The following ARHGAP25 variants were observed in gnomAD, a reference collection of about 807,000 sequenced individuals.
ARHGAP25 encodes Rho GTPase activating protein 25, also known as rho GTPase-activating protein 25.
A neutral mutation model predicts 71.0 loss-of-function variants in ARHGAP25; 34 were observed. The observed-to-expected ratio is 0.48, with a 90% CI of 0.36 to 0.64. ARHGAP25 has a LOEUF of 0.64. Ranked by LOEUF, ARHGAP25 falls within the 30% of genes least tolerant of loss-of-function variation. The probability of loss-of-function intolerance (pLI) is 0.00; values close to 1 mark genes in which losing one functional copy is unlikely to be tolerated. For missense variants in ARHGAP25, 706 were observed against 805.1 expected (o/e 0.88, Z 1.49); for synonymous variants, 282 against 296.5 (o/e 0.95, Z 0.50).
At chr2:68,775,754 T>G in intron 2 of ARHGAP25, 1 of 509,646 alleles carries the variant, frequency 2.0e-6, no homozygotes, top group South Asian at 1.5e-5. Context: ...ATTTTGGGAC[T>G]CATTGATTTG....
intron 1 of ARHGAP25, among the ~76,000 whole-genome samples, chr2:68,737,454 T>C (rs1012583101): frequency 6.6e-6 from 1 of 152,200 alleles, no homozygotes; most frequent in Admixed American, 6.5e-5. Context: ...CTGTGAATTA[T>C]AGGATGTTTA....
intron 1 of ARHGAP25, among the ~76,000 whole-genome samples, chr2:68,757,236 G>A (rs755831257): frequency 2.6e-5 from 4 of 151,998 alleles, no homozygotes; most frequent in Non-Finnish European, 4.4e-5. Flanking sequence ...AGAGAGAAGG[G>A]TGCAGAGAGA....
At chr2:68,764,646 C>T (rs1309936187) in intron 1 of ARHGAP25, among the ~76,000 whole-genome samples, 1 of 152,176 alleles carries the variant, frequency 6.6e-6, no homozygotes, top group Non-Finnish European at 1.5e-5. Flanking sequence ...CTGGAAATAA[C>T]ATGCCCCAGC....
chr2:68,715,059 A>G (rs1674576649), intron 2 of ARHGAP25, among the ~76,000 whole-genome samples: 1 of 152,126 alleles, frequency 6.6e-6, no homozygotes, highest in South Asian at 2.1e-4. Context: ...ACTAGCCCTG[A>G]GCATGAGGGT....
chr2:68,727,704 C>T (rs1674918078), intron 2 of ARHGAP25, among the ~76,000 whole-genome samples: 2 of 152,250 alleles, frequency 1.3e-5, no homozygotes, highest in Admixed American at 6.5e-5. Flanking sequence ...ATCTGATGCT[C>T]ATCCGTGAGG....
intron 2 of ARHGAP25, among the ~76,000 whole-genome samples, chr2:68,711,051 A>G (rs1259389751): frequency 6.6e-6 from 1 of 152,142 alleles, no homozygotes; most frequent in Admixed American, 6.5e-5. Context: ...TTCCACCACA[A>G]CAAAATCATT....
chr2:68,766,357 A>G (rs576635557), intron 1 of ARHGAP25, among the ~76,000 whole-genome samples: 25 of 152,330 alleles, frequency 1.6e-4, no homozygotes, highest in African/African-American at 5.8e-4. Flanking sequence ...TCTGATTGCC[A>G]AATCTCCACT....
At chr2:68,745,220 G>A (rs1473731127) in intron 1 of ARHGAP25, among the ~76,000 whole-genome samples, 1 of 152,098 alleles carries the variant, frequency 6.6e-6, no homozygotes, top group African/African-American at 2.4e-5. Context: ...GAGCTGTTAG[G>A]TAATACTTCC....
At position 68,767,229 on chromosome 2, in the gene ARHGAP25, G is replaced by A. The variant is rs1339730946; in HGVS notation, c.62-7992G>A. 6.6e-6 allele frequency among the ~76,000 whole-genome samples: 1 copy of A among 152,068 alleles called. No homozygotes were observed. Among genetic ancestry groups the A allele is most frequent in the African/African-American group, 2.4e-5 (1 of 41,394 alleles). ...TGCTTTTCATACTAAAGTTAAAAAC[G>A]AAACTCAAAAGAATGATGGGTGCTT... On this transcript the variant is annotated intron_variant, in intron 1 of 10. Coordinates refer to ENST00000409202, the MANE Select transcript of ARHGAP25 (RefSeq NM_001007231.3). The surrounding 1 kb of genome is among the most constrained non-coding windows in gnomAD (Gnocchi z 4.6).
At chr2:68,800,130 A>C (rs1679862451) in intron 4 of ARHGAP25, among the ~76,000 whole-genome samples, 2 of 151,728 alleles carry the variant, frequency 1.3e-5, no homozygotes, top group African/African-American at 4.8e-5. Context: ...AGGGGTGGGG[A>C]GCGCTTCTGG....
chr2:68,825,204 C>G (rs1368825113), intron 10 of ARHGAP25, among the ~76,000 whole-genome samples: 2 of 152,162 alleles, frequency 1.3e-5, no homozygotes, highest in Non-Finnish European at 2.9e-5. Flanking sequence ...TTCTCCAAAT[C>G]TTGGTCCCCA....
chr2:68,711,427 C>A (rs1674478121), intron 2 of ARHGAP25, among the ~76,000 whole-genome samples: 1 of 152,134 alleles, frequency 6.6e-6, no homozygotes, highest in African/African-American at 2.4e-5. Context: ...CTCTGTCACC[C>A]AGGCTGGAGT....
intron 4 of ARHGAP25, among the ~76,000 whole-genome samples, chr2:68,790,324 G>A (rs553963678): frequency 2.6e-5 from 4 of 152,296 alleles, no homozygotes; most frequent in South Asian, 2.1e-4. Flanking sequence ...CATAGATCCC[G>A]GAATGTGAGG....
In ARHGAP25 at chr2:68,807,195, G is replaced by C. The variant is rs547443420; in HGVS notation, c.467-78G>C. The C allele has an allele frequency of 1.7e-5, 24 of 1,431,310 alleles. No homozygotes were observed. In the South Asian group the frequency reaches 2.7e-4, roughly 16 times the overall value. The allele number at this position is 1,431,310 out of a possible 1,614,324, so 88.7% of individuals were successfully genotyped here. ...TTGCAATAAAACCTGTGAAGACACA[G>C]GTGACACAGAAAGTCAAGAAATAGT... On this transcript the variant is annotated intron_variant, in intron 4 of 10. Transcript: ENST00000409202.
rs1420785357 is a variant in ARHGAP25 at position 68,826,243 on chromosome 2, C to T, written c.*49C>T. On this transcript the variant is annotated 3_prime_UTR_variant, in exon 11 of 11. Coordinates refer to ENST00000409202, the MANE Select transcript of ARHGAP25 (RefSeq NM_001007231.3). ...CAGCCCCAGAGAGGCCCAACTCTGG[C>T]CCCTTTCTCAGTGCTATCTGATGAC... The T allele has an allele frequency of 1.3e-6, 2 of 1,539,178 alleles. No individual in the cohort carries two copies. Among genetic ancestry groups the T allele is most frequent in the Non-Finnish European group, 1.8e-6 (2 of 1,112,288 alleles).
chr2:68,821,244 AC>A (rs1425660756), intron 9 of ARHGAP25, among the ~76,000 whole-genome samples: 2 of 151,876 alleles, frequency 1.3e-5, no homozygotes, highest in African/African-American at 2.4e-5. Flanking sequence ...ACAGGTGCAT[AC>A]TACCATGCTG....
intron 4 of ARHGAP25, among the ~76,000 whole-genome samples, chr2:68,802,332 C>T (rs962231013): frequency 3.6e-5 from 5 of 139,162 alleles, no homozygotes; most frequent in East Asian, 2.1e-4. Flanking sequence ...CTCTTGAACC[C>T]GGGAGAAGGA....
rs1327536212 is a variant in ARHGAP25, at chr2:68,817,874, T to A, written c.883T>A (p.Phe295Ile). The A allele has an allele frequency of 6.2e-7, 1 of 1,613,772 alleles. No individual in the cohort carries two copies. Among genetic ancestry groups the A allele is most frequent in the Non-Finnish European group, 8.5e-7 (1 of 1,179,850 alleles). Residue 295 changes from phenylalanine to isoleucine, a missense_variant and splice_region_variant, in exon 8 of 11, where the codon TTC becomes ATC. Phe to Ile is a conservative substitution (Grantham distance 21). Coordinates refer to ENST00000409202, the MANE Select transcript of ARHGAP25 (RefSeq NM_001007231.3). The stretch of plus-strand genomic sequence containing the variant: ...ATGGGATTTCTTGGCTGTCTGTAGG[T>A]TCCTACATGAAATACAGCTGAACTG... ...NYSLLSYICRFLHEIQLNCAV... is the reference protein window; with the variant it reads ...NYSLLSYICRILHEIQLNCAV...
chr2:68,757,364 A>G (rs1355317747), intron 1 of ARHGAP25, among the ~76,000 whole-genome samples: 1 of 152,226 alleles, frequency 6.6e-6, no homozygotes. Context: ...GAGATACACT[A>G]TAATCAAACT....
Sources: gnomAD v4.1 joint callset for allele counts (sites outside exome capture counted in the v4.1 genomes callset) on GRCh38, gnomAD v4.1.1 for gene constraint, Gnocchi (gnomAD v3.1) non-coding constraint, MANE v1.5 for transcripts, NCBI Gene and HGNC (gene_info 2026-07-23, HGNC 2026-07-21) for gene names.